Variants in CD99L2 observed in about 807,000 individuals in gnomAD.
CD99L2 encodes the protein CD99 molecule like 2, also known as CD99 antigen-like protein 2.
CD99L2 carries 24 observed loss-of-function variants against 27.3 expected under a neutral mutation model. The observed-to-expected ratio is 0.88, with a 90% confidence interval of 0.64 to 1.24. The LOEUF is 1.24. Ranked by LOEUF, CD99L2 falls within the 50% of genes most tolerant of loss-of-function variation. The pLI, the probability that CD99L2 is intolerant of heterozygous loss-of-function variation, is 0.00. For synonymous variants in CD99L2, 97 were observed against 87.9 expected (o/e 1.10, Z -0.58); for missense variants, 255 against 221.6 (o/e 1.15, Z -0.96).
chrX:150,829,163 A>G (rs1481081614), intron 2 of CD99L2: 1 of 128,092 alleles, frequency 7.8e-6, no homozygotes, highest in Non-Finnish European at 1.6e-5. Flanking sequence ...CTTAAAACGA[A>G]TAAGGGATGT....
chrX:150,802,880 CTTTTTTTTTTTT>C (rs34693200), intron 4 of CD99L2, among the ~76,000 whole-genome samples: 4 of 20,814 alleles, frequency 1.9e-4, no homozygotes, highest in Admixed American at 8.1e-4. Flanking sequence ...CGTGCCCAGC[CTTTTTTTTTTTT>C]TTTTTTTTTT....
Position 150,819,268 on chromosome X carries a change from T to C in CD99L2, c.131-3190A>G, listed in dbSNP as rs782378000. 555 of 309,451 alleles carry C rather than the reference T, an allele frequency of 1.8e-3. 1 individual carries two copies. Among genetic ancestry groups the C allele is most frequent in the South Asian group, 9.5e-3 (296 of 31,204 alleles). 25.5% of individuals were successfully genotyped at this position (309,451 alleles called of 1,213,427 possible). A position where few individuals can be genotyped will look rare whatever the true frequency, so the allele number is the denominator to read the frequency against. ...CTAATAAATTTGACCTGTTTTATCT[T>C]AACCACCAGACTATTTCCTCTGTAG... On this transcript the variant is annotated intron_variant, in intron 2 of 10. Transcript: ENST00000370377.
rs188128234 is a variant in CD99L2, at chrX:150,889,208, G to A, written c.67+9314C>T. On this transcript the variant is annotated intron_variant, in intron 1 of 10. Coordinates refer to ENST00000370377, the MANE Select transcript of CD99L2 (RefSeq NM_031462.4). The stretch of plus-strand genomic sequence containing the variant: ...TGTTTCACCCACAGTGCCCCCACAC[G>A]GGTCCTGGCTGCTCATTCAGGATAA... 1.3e-4 allele frequency among the ~76,000 whole-genome samples: 15 copies of A among 112,575 alleles called. No homozygotes were observed. The East Asian group carries it at 2.2e-3, about 17-fold the overall frequency.
At chrX:150,894,571 TTGTGTGTGTG>T (rs199941967) in intron 1 of CD99L2, among the ~76,000 whole-genome samples, 12 of 99,865 alleles carry the variant, frequency 1.2e-4, no homozygotes, top group African/African-American at 3.3e-4. Flanking sequence ...TTCTTTTGTT[TTGTGTGTGTG>T]TGTGTGTGTG....
intron 6 of CD99L2, among the ~76,000 whole-genome samples, chrX:150,794,825 C>T (rs1444881359): frequency 8.9e-6 from 1 of 112,323 alleles, no homozygotes; most frequent in Non-Finnish European, 1.9e-5. Flanking sequence ...TCCAGCCAGA[C>T]ATGAGAGAAA....
rs1290297111 is a variant in CD99L2, at chrX:150,769,681, GCCACCAGGCCTCGGCTGCTCCCCGACC to G, written c.721+596_722-581del. On this transcript the variant is annotated intron_variant, in intron 10 of 10. Transcript: ENST00000370377. ...GAGCTGTCCTAGTCTCCCTGCCTGC[GCCACCAGGCCTCGGCTGCTCCCCGACC>G]CCAGCAAGCCTTTCCGGACCTCCTC... Among the ~76,000 whole-genome samples the G allele has an allele frequency of 2.9e-4, 25 of 86,619 alleles. No individual in the cohort carries two copies. In the East Asian group the frequency reaches 6.0e-3, roughly 21 times the overall value. The allele number at this position is 86,619 out of a possible 115,157, so 75.2% of individuals were successfully genotyped here.
At chrX:150,791,048 G>A (rs1238808163) in intron 7 of CD99L2, among the ~76,000 whole-genome samples, 2 of 110,653 alleles carry the variant, frequency 1.8e-5, no homozygotes, top group East Asian at 5.7e-4. Flanking sequence ...CACCAATCAG[G>A]GACACAACAA....
chrX:150,892,680 C>T (rs1019598405), intron 1 of CD99L2, among the ~76,000 whole-genome samples: 2 of 107,025 alleles, frequency 1.9e-5, no homozygotes, highest in African/African-American at 6.8e-5. Context: ...CTCCTAAACT[C>T]ACAAGAATGA....
At chrX:150,770,180 G>T in intron 10 of CD99L2, 124 bp downstream of exon 10, 1 of 647,731 alleles carries the variant, frequency 1.5e-6, no homozygotes, top group Non-Finnish European at 2.4e-6. Context: ...GCAGGCTTTT[G>T]CTCTGGCCGG....
intron 2 of CD99L2, among the ~76,000 whole-genome samples, chrX:150,818,235 CT>C (rs2046195968): frequency 1.2e-5 from 1 of 84,119 alleles, no homozygotes; most frequent in African/African-American, 4.7e-5. Flanking sequence ...ACTTGAACAA[CT>C]TTATAAACCA....
At chrX:150,813,483 A>T (rs1193788759) in intron 4 of CD99L2, among the ~76,000 whole-genome samples, 1 of 112,075 alleles carries the variant, frequency 8.9e-6, no homozygotes, top group East Asian at 2.8e-4. Context: ...AAAAGTTTTG[A>T]CACTTAAATG....
chrX:150,884,210 T>C (rs912591122), intron 1 of CD99L2, among the ~76,000 whole-genome samples: 1 of 112,136 alleles, frequency 8.9e-6, no homozygotes, highest in African/African-American at 3.2e-5. Context: ...CAGTGACTGC[T>C]ATTGATATTT....
At position 150,871,124 on chromosome X, in the gene CD99L2, GAA is replaced by G; in HGVS notation, c.67+27396_67+27397del. Among the ~76,000 whole-genome samples the G allele has an allele frequency of 7.1e-5, 8 of 112,599 alleles. No homozygotes were observed. In the Middle Eastern group the frequency reaches 0.028, roughly 387 times the overall value. On this transcript the variant is annotated intron_variant, in intron 1 of 10. Coordinates refer to ENST00000370377, the MANE Select transcript of CD99L2 (RefSeq NM_031462.4). ...CCAAAAGGTTAATATTCCTTTATCA[GAA>G]GGCTTAGAAGACACAGAAATCATTT...
chrX:150,887,536 A>G (rs1268651767), intron 1 of CD99L2, among the ~76,000 whole-genome samples: 2 of 111,232 alleles, frequency 1.8e-5, no homozygotes, highest in Non-Finnish European at 3.8e-5. Flanking sequence ...CCAGGTGAAG[A>G]AGGGCAAATC....
chrX:150,849,541 G>A (rs2046757404), intron 1 of CD99L2, among the ~76,000 whole-genome samples: 1 of 111,062 alleles, frequency 9.0e-6, no homozygotes, highest in Non-Finnish European at 1.9e-5. Context: ...AATTAGCCAA[G>A]TGTGGTGGCA....
chrX:150,894,352 A>G (rs140856040), intron 1 of CD99L2, among the ~76,000 whole-genome samples: 305 of 111,853 alleles, frequency 2.7e-3, no homozygotes, highest in African/African-American at 8.8e-3. Context: ...TTTAATCCTA[A>G]TAACCACCCC....
At chrX:150,818,128 G>C (rs2046191880) in intron 2 of CD99L2, among the ~76,000 whole-genome samples, 1 of 104,983 alleles carries the variant, frequency 9.5e-6, no homozygotes, top group Admixed American at 1.0e-4. Flanking sequence ...AAATTGAAGA[G>C]AACAGATGAT....
chrX:150,777,408 C>T, intron 8 of CD99L2, 36 bp downstream of exon 8: 1 of 1,209,497 alleles, frequency 8.3e-7, no homozygotes, highest in Non-Finnish European at 1.1e-6. Context: ...TTTCCTTTCA[C>T]ATGGCCAACA....
At chrX:150,885,499 A>G (rs1008409858) in intron 1 of CD99L2, among the ~76,000 whole-genome samples, 8 of 112,506 alleles carry the variant, frequency 7.1e-5, no homozygotes, top group Non-Finnish European at 1.3e-4. Flanking sequence ...AATGTGAAAT[A>G]CATATTTCAG....
Sources: gnomAD v4.1 joint callset for allele counts (sites outside exome capture counted in the v4.1 genomes callset) on GRCh38, gnomAD v4.1.1 for gene constraint, MANE v1.5 for transcripts, NCBI Gene and HGNC (gene_info 2026-07-23, HGNC 2026-07-21) for gene names.